CSMD1: variants seen among roughly 807,000 people sequenced by gnomAD.
The protein encoded by CSMD1 is CUB and sushi domain-containing protein 1.
Under a neutral mutation model 417.5 loss-of-function variants are expected in CSMD1, and 213 were observed. That is an observed-to-expected ratio of 0.51 (90% CI 0.46 to 0.57). The LOEUF (loss-of-function observed/expected upper bound fraction) is 0.57. Among genes scored for constraint, CSMD1 ranks in the 20% least tolerant of loss-of-function variants. The pLI, the probability that CSMD1 is intolerant of heterozygous loss-of-function variation, is 0.00. For synonymous variants in CSMD1, 2,862 were observed against 1,736.8 expected, an observed-to-expected ratio of 1.65 and a Z score of -16.11; for missense variants, 6,923 against 4,529.7, an observed-to-expected ratio of 1.53 and a Z score of -15.17.
chr8:4,078,921 ATATATATATATATATATATATG>A (rs1259220481), intron 3 of CSMD1, among the ~76,000 whole-genome samples: 205 of 25,234 alleles, frequency 8.1e-3, no homozygotes, highest in East Asian at 0.053. Context: ...ATATATATAT[ATATATATATATATATATATATG>A]TATGTTGAAA....
chr8:4,411,091 C>G (rs937127215), intron 3 of CSMD1, among the ~76,000 whole-genome samples: 3 of 152,136 alleles, frequency 2.0e-5, no homozygotes, highest in Admixed American at 2.0e-4. Flanking sequence ...AAGGCCCCCT[C>G]CACGTGTGGC....
chr8:4,268,660 A>C (rs1332714428), intron 3 of CSMD1, among the ~76,000 whole-genome samples: 1 of 152,194 alleles, frequency 6.6e-6, no homozygotes, highest in Non-Finnish European at 1.5e-5. Flanking sequence ...TGTAAATTCC[A>C]AGTACATACA....
chr8:3,559,955 A>G (rs1227858288), intron 10 of CSMD1, among the ~76,000 whole-genome samples: 1 of 152,152 alleles, frequency 6.6e-6, no homozygotes, highest in Non-Finnish European at 1.5e-5. Context: ...AGAGGAGGAA[A>G]GCCGTGCGGA....
chr8:3,739,295 C>A (rs915705159), intron 6 of CSMD1, among the ~76,000 whole-genome samples: 2 of 152,170 alleles, frequency 1.3e-5, no homozygotes, highest in Non-Finnish European at 1.5e-5. Context: ...AGAAAGAATA[C>A]AAAATTACAG....
At chr8:3,830,528 G>C (rs1240594340) in intron 5 of CSMD1, among the ~76,000 whole-genome samples, 1 of 152,154 alleles carries the variant, frequency 6.6e-6, no homozygotes, top group Admixed American at 6.6e-5. Context: ...TATGTCCTTA[G>C]TATCTCAAAG....
intron 1 of CSMD1, among the ~76,000 whole-genome samples, chr8:4,981,462 C>G (rs983348032): frequency 6.6e-6 from 1 of 152,196 alleles, no homozygotes; most frequent in African/African-American, 2.4e-5. Context: ...ACAACCAAAA[C>G]CTGATATCAT....
chr8:3,732,664 C>G (rs1796329115), intron 6 of CSMD1, among the ~76,000 whole-genome samples: 1 of 151,974 alleles, frequency 6.6e-6, no homozygotes, highest in South Asian at 2.1e-4. Flanking sequence ...GAGTTCAATC[C>G]TAAATTGATT....
rs78670260 is a variant in CSMD1 at position 3,342,654 on chromosome 8, C to T, written c.3631+640G>A. ...GCTTCTTCATTTACATCTTTAAAAACATATTCCACATTGATTTGTTCATAC... is the reference window on the plus strand; with the variant it reads ...GCTTCTTCATTTACATCTTTAAAAATATATTCCACATTGATTTGTTCATAC... On this transcript the variant is annotated intron_variant, in intron 23 of 69. Coordinates refer to ENST00000635120, the MANE Select transcript of CSMD1 (RefSeq NM_033225.6). Among the ~76,000 whole-genome samples the T allele has an allele frequency of 3.2e-3, 490 of 152,210 alleles. 3 individuals carry two copies. The highest frequency in any genetic ancestry group is 0.011 in the African/African-American group (464 of 41,524).
chr8:4,091,250 G>T (rs1800706009), intron 3 of CSMD1, among the ~76,000 whole-genome samples: 1 of 151,914 alleles, frequency 6.6e-6, no homozygotes, highest in African/African-American at 2.4e-5. Flanking sequence ...TAATGAGGAT[G>T]CAAATTAGAA....
intron 8 of CSMD1, among the ~76,000 whole-genome samples, chr8:3,611,483 C>G (rs751330597): frequency 3.9e-5 from 6 of 152,030 alleles, no homozygotes; most frequent in African/African-American, 1.4e-4. Context: ...ATTGGAGTAT[C>G]TCTCACTTAT....
chr8:4,840,252 C>T (rs369122658), intron 1 of CSMD1, among the ~76,000 whole-genome samples: 7 of 72,748 alleles, frequency 9.6e-5, no homozygotes, highest in Non-Finnish European at 2.3e-4. Context: ...AGCTGATAGC[C>T]CTTTCAGGTA....
intron 1 of CSMD1, among the ~76,000 whole-genome samples, chr8:4,808,017 C>T (rs994433693): frequency 6.6e-6 from 1 of 152,170 alleles, no homozygotes; most frequent in African/African-American, 2.4e-5. Flanking sequence ...TATCCCATTG[C>T]TCTCGCCCAT....
intron 1 of CSMD1, among the ~76,000 whole-genome samples, chr8:4,781,870 G>T (rs1233922950): frequency 6.6e-6 from 1 of 152,160 alleles, no homozygotes; most frequent in African/African-American, 2.4e-5. Flanking sequence ...GAGAGGGTCA[G>T]GAACATGGAG....
Position 4,179,612 on chromosome 8 carries a change from AAAAC to A in CSMD1, c.416-147517_416-147514del, listed in dbSNP as rs1187119095. 3.9e-3 allele frequency among the ~76,000 whole-genome samples: 589 copies of A among 152,116 alleles called. 6 individuals carry two copies. Among genetic ancestry groups the A allele is most frequent in the Middle Eastern group, 0.014 (4 of 294 alleles). On this transcript the variant is annotated intron_variant, in intron 3 of 69. Transcript: ENST00000635120. The stretch of plus-strand genomic sequence containing the variant: ...TTAAACTATAGAGCTTCTGCACAGC[AAAAC>A]AAACTACCATCAGAGTGAACAGGCA...
chr8:2,993,733 G>T (rs747792626), intron 54 of CSMD1, among the ~76,000 whole-genome samples: 2 of 152,124 alleles, frequency 1.3e-5, no homozygotes, highest in African/African-American at 4.8e-5. Flanking sequence ...CGTGGCTAAA[G>T]TTTTAGGACG....
intron 1 of CSMD1, among the ~76,000 whole-genome samples, chr8:4,814,213 TGTGTGC>T (rs1554490627): frequency 2.4e-4 from 36 of 151,282 alleles, no homozygotes; most frequent in African/African-American, 3.4e-4. Context: ...TGTGTGTGTG[TGTGTGC>T]GTGTGCGTGT....
chr8:4,671,375 C>A (rs541983030), intron 1 of CSMD1, among the ~76,000 whole-genome samples: 3 of 151,892 alleles, frequency 2.0e-5, no homozygotes, highest in African/African-American at 7.3e-5. Context: ...AATTACAGAC[C>A]CAAGTCTGTT....
chr8:4,926,939 C>T (rs1585344339), intron 1 of CSMD1, among the ~76,000 whole-genome samples: 1 of 151,876 alleles, frequency 6.6e-6, no homozygotes, highest in Non-Finnish European at 1.5e-5. Flanking sequence ...TTTACTTGGA[C>T]CCAAGTTTAA....
At chr8:4,238,002 T>C (rs549167306) in intron 3 of CSMD1, among the ~76,000 whole-genome samples, 2 of 152,312 alleles carry the variant, frequency 1.3e-5, no homozygotes, top group East Asian at 1.9e-4. Flanking sequence ...ACAGGCCTAC[T>C]GGGCGGGACG....
Sources: gnomAD v4.1 joint callset for allele counts (sites outside exome capture counted in the v4.1 genomes callset) on GRCh38, gnomAD v4.1.1 for gene constraint, MANE v1.5 for transcripts, NCBI Gene and HGNC (gene_info 2026-07-23, HGNC 2026-07-21) for gene names.